Variants in CHD9 observed in about 807,000 individuals in gnomAD.
The protein encoded by CHD9 is ATP-dependent chromatin remodeler CHD9.
A neutral mutation model predicts 316.1 loss-of-function variants in CHD9; 77 were observed. That is an observed-to-expected ratio of 0.24 (90% CI 0.20 to 0.29). The LOEUF (loss-of-function observed/expected upper bound fraction) is 0.29. Among genes scored for constraint, CHD9 ranks in the 10% least tolerant of loss-of-function variants. The pLI, the probability that CHD9 is intolerant of heterozygous loss-of-function variation, is 1.00. For missense variants in CHD9, 2,763 were observed against 3,438.1 expected (o/e 0.80, Z 4.91); for synonymous variants, 1,129 against 1,158.3 (o/e 0.97, Z 0.51).
intron 3 of CHD9, among the ~76,000 whole-genome samples, chr16:53,221,517 G>A (rs936709436): frequency 6.6e-6 from 1 of 151,996 alleles, no homozygotes; most frequent in Non-Finnish European, 1.5e-5. Context: ...AATTACCGTG[G>A]TTTAAAATCA....
chr16:53,185,584 G>A (rs115360426), intron 2 of CHD9, among the ~76,000 whole-genome samples: 1,876 of 152,270 alleles, frequency 0.012, 16 homozygotes, highest in African/African-American at 0.016. Flanking sequence ...ACAAGGAGTC[G>A]AATGTTAATC....
chr16:53,162,350 G>C (rs2041971891), intron 2 of CHD9, among the ~76,000 whole-genome samples: 1 of 152,170 alleles, frequency 6.6e-6, no homozygotes, highest in South Asian at 2.1e-4. Context: ...GAAAATACTA[G>C]CTTATTTATC....
Position 53,245,234 on chromosome 16 carries a change from G to A in CHD9, c.3055-102G>A. On this transcript the variant is annotated intron_variant, in intron 13 of 38. Transcript: ENST00000447540. The surrounding 1 kb of genome is among the most constrained non-coding windows in gnomAD (Gnocchi z 4.1). Reference sequence around the variant, plus strand: ...CATAACATATATATATGTATATATAGTCAGAAAAATATTTGCATATTGATC... The same window carrying A: ...CATAACATATATATATGTATATATAATCAGAAAAATATTTGCATATTGATC... The A allele has an allele frequency of 1.2e-6, 1 of 811,816 alleles. No homozygotes were observed. Among genetic ancestry groups the A allele is most frequent in the Non-Finnish European group, 1.8e-6 (1 of 543,574 alleles). 50.3% of individuals were successfully genotyped at this position (811,816 alleles called of 1,614,324 possible).
rs769760788 is a variant in CHD9 at position 53,209,501 on chromosome 16, G to A, written c.1472G>A (p.Ser491Asn). 3.7e-6 allele frequency: 6 copies of A among 1,604,296 alleles called. No homozygotes were observed. Among genetic ancestry groups the A allele is most frequent in the Admixed American group, 3.4e-5 (2 of 58,654 alleles). Residue 491 changes from serine (S) to asparagine (N), a missense_variant, in exon 3 of 39, where the codon AGC (serine) becomes AAC (asparagine). Ser to Asn is a conservative substitution (Grantham distance 46). Coordinates refer to ENST00000447540, the MANE Select transcript of CHD9 (RefSeq NM_001308319.2). ...CTGTAGCCTCCATCTTCCAAGAAGA[G>A]CGATGGTTCTGGGACATATACTAAG... Reference protein sequence around the residue: ...LQRQPPSSKKSDGSGTYTKLQ... With the variant: ...LQRQPPSSKKNDGSGTYTKLQ...
At chr16:53,116,173 C>T (rs2038285981) in intron 1 of CHD9, among the ~76,000 whole-genome samples, 1 of 152,164 alleles carries the variant, frequency 6.6e-6, no homozygotes, top group African/African-American at 2.4e-5. Context: ...AGTTCTCCTG[C>T]CTGAGCCTCC....
In CHD9 at chr16:53,249,916, G is replaced by T; in HGVS notation, c.3711G>T (p.Arg1237=). ...RIDGRVRGNL[R]QAAIDRFSKP... is the part of the protein sequence containing the mutation. Reference sequence around the variant, plus strand: ...ATGGCAGAGTCAGAGGAAATCTTCGGCAAGCTGCTATAGATAGATTTAGTA... The same window carrying T: ...ATGGCAGAGTCAGAGGAAATCTTCGTCAAGCTGCTATAGATAGATTTAGTA... The change falls in exon 17 of 39, where the codon CGG becomes CGT. Residue 1237 remains arginine, a synonymous_variant. Coordinates refer to ENST00000447540, the MANE Select transcript of CHD9 (RefSeq NM_001308319.2). 1 of 1,613,710 alleles carries T rather than the reference G, an allele frequency of 6.2e-7. No individual in the cohort carries two copies. The highest frequency in any genetic ancestry group is 8.5e-7 in the Non-Finnish European group (1 of 1,179,748).
intron 10 of CHD9, among the ~76,000 whole-genome samples, chr16:53,231,996 A>G (rs1033581937): frequency 1.2e-4 from 18 of 152,188 alleles, no homozygotes; most frequent in Non-Finnish European, 5.9e-5. Context: ...GAGTGAGGAA[A>G]GCTGCCCTGA....
Position 53,307,812 on chromosome 16 carries a change from T to C in CHD9, c.6912T>C (p.Pro2304=), listed in dbSNP as rs1332367779. The C allele has an allele frequency of 6.2e-7, 1 of 1,613,646 alleles. No individual in the cohort carries two copies. The highest frequency in any genetic ancestry group is 1.3e-5 in the African/African-American group (1 of 75,034). Residue 2304 remains proline (P), a synonymous_variant, in exon 33 of 39, where the codon CCT becomes CCC. Coordinates refer to ENST00000447540, the MANE Select transcript of CHD9 (RefSeq NM_001308319.2). ...SFYTTKLLDS[P]GAATEYSDPS... is the part of the protein sequence containing the mutation. ...ATACCACAAAACTGCTGGACAGCCC[T>C]GGAGCAGCTACAGAATACAGCGATC...
chr16:53,185,050 G>A (rs2152814565), intron 2 of CHD9, among the ~76,000 whole-genome samples: 1 of 152,274 alleles, frequency 6.6e-6, no homozygotes, highest in African/African-American at 2.4e-5. Context: ...GTTCTTTATA[G>A]CAATGTGAGA....
At chr16:53,174,132 A>T (rs371225045) in intron 2 of CHD9, among the ~76,000 whole-genome samples, 1 of 152,196 alleles carries the variant, frequency 6.6e-6, no homozygotes, top group Non-Finnish European at 1.5e-5. Context: ...AAAAATACAA[A>T]AATTAGCTGG....
chr16:53,230,368 C>T (rs2048063096), intron 8 of CHD9, among the ~76,000 whole-genome samples: 1 of 152,064 alleles, frequency 6.6e-6, no homozygotes, highest in Non-Finnish European at 1.5e-5. Flanking sequence ...GCCGGAAATC[C>T]CAACACTTTG....
At chr16:53,057,430 G>A (rs2032287949) in intron 1 of CHD9, among the ~76,000 whole-genome samples, 1 of 151,810 alleles carries the variant, frequency 6.6e-6, no homozygotes, top group African/African-American at 2.4e-5. Context: ...GAGGTGGGTG[G>A]ATACCTGAGG....
At chr16:53,258,398 C>T (rs2050786976) in intron 19 of CHD9, among the ~76,000 whole-genome samples, 1 of 152,034 alleles carries the variant, frequency 6.6e-6, no homozygotes, top group Non-Finnish European at 1.5e-5. Context: ...GATAAGGTAC[C>T]ACAATGCTGA....
intron 3 of CHD9, among the ~76,000 whole-genome samples, chr16:53,212,184 G>A (rs796182155): frequency 1.3e-4 from 20 of 152,060 alleles, no homozygotes; most frequent in African/African-American, 4.3e-4. Context: ...GGCGGATCAC[G>A]AGGTCAGGAG....
chr16:53,184,453 C>T (rs2043811799), intron 2 of CHD9, among the ~76,000 whole-genome samples: 1 of 152,142 alleles, frequency 6.6e-6, no homozygotes, highest in Non-Finnish European at 1.5e-5. Context: ...CCTCTCACCC[C>T]AACCTCCCTA....
At chr16:53,125,546 T>G (rs921943317) in intron 1 of CHD9, among the ~76,000 whole-genome samples, 1 of 152,184 alleles carries the variant, frequency 6.6e-6, no homozygotes, top group African/African-American at 2.4e-5. Context: ...GACTTAAGAT[T>G]TTTTGACGTT....
At chr16:53,172,921 G>T (rs1024941624) in intron 2 of CHD9, among the ~76,000 whole-genome samples, 1 of 152,024 alleles carries the variant, frequency 6.6e-6, no homozygotes. Context: ...CTATTTTGCA[G>T]ATATATTTTC....
chr16:53,106,634 C>T lies in CHD9; in HGVS notation c.-164-49292C>T, dbSNP rs143059837. Among the ~76,000 whole-genome samples the T allele has an allele frequency of 8.6e-4, 126 of 146,740 alleles. No homozygotes were observed. The East Asian group carries it at 0.011, about 13-fold the overall frequency. On this transcript the variant is annotated intron_variant, in intron 1 of 38. Coordinates refer to ENST00000447540, the MANE Select transcript of CHD9 (RefSeq NM_001308319.2). ...AAGGTTCATAATCTAGTTAAAGATGCAACTGCCTCAGACACACATACATAC... is the reference window on the plus strand; with the variant it reads ...AAGGTTCATAATCTAGTTAAAGATGTAACTGCCTCAGACACACATACATAC...
At chr16:53,173,805 A>G (rs2042934655) in intron 2 of CHD9, among the ~76,000 whole-genome samples, 1 of 151,944 alleles carries the variant, frequency 6.6e-6, no homozygotes, top group Non-Finnish European at 1.5e-5. Context: ...CAGCCTCCCA[A>G]AGTGCTGGGA....
Sources: allele counts gnomAD v4.1 joint callset (sites outside exome capture counted in the v4.1 genomes callset), GRCh38; gene constraint gnomAD v4.1.1; non-coding constraint Gnocchi (gnomAD v3.1); transcripts MANE v1.5; gene names NCBI Gene and HGNC (gene_info 2026-07-23, HGNC 2026-07-21).